The following FAF1 variants were observed in gnomAD, a reference collection of about 807,000 sequenced individuals.
FAF1 encodes Fas associated factor 1, also known as FAS-associated factor 1.
FAF1 carries 25 observed loss-of-function variants against 92.5 expected under a neutral mutation model. The ratio of observed to expected loss-of-function variants is 0.27; its 90% CI spans 0.20 to 0.38. The LOEUF (loss-of-function observed/expected upper bound fraction) is 0.38, where lower values mean the gene tolerates loss of function less well. Among genes scored for constraint, FAF1 ranks in the 10% least tolerant of loss-of-function variants. The probability of loss-of-function intolerance (pLI) is 1.00; values close to 1 mark genes in which losing one functional copy is unlikely to be tolerated. For missense variants in FAF1, 636 were observed against 793.3 expected (o/e 0.80, Z 2.38); for synonymous variants, 234 against 273.2 (o/e 0.86, Z 1.42).
rs1166483450 is a variant in FAF1 at position 50,438,661 on chromosome 1, G to C, written c.*2779C>G. On this transcript the variant is annotated 3_prime_UTR_variant, in exon 19 of 19. Transcript: ENST00000396153. Reference sequence around the variant, plus strand: ...ATTCAAATGAAAAAGTCTATACTTTGGGGGAAATTTGCCAGAGCTCTCCAC... The same window carrying C: ...ATTCAAATGAAAAAGTCTATACTTTCGGGGAAATTTGCCAGAGCTCTCCAC... The C allele has an allele frequency of 6.6e-6, 1 of 152,152 alleles. No individual in the cohort carries two copies. Among genetic ancestry groups the C allele is most frequent in the Non-Finnish European group, 1.5e-5 (1 of 68,018 alleles). 9.4% of individuals were successfully genotyped at this position (152,152 alleles called of 1,614,324 possible). A position where few individuals can be genotyped will look rare whatever the true frequency, so the allele number is the denominator to read the frequency against.
intron 8 of FAF1, among the ~76,000 whole-genome samples, chr1:50,609,108 G>A (rs1395238510): frequency 1.3e-5 from 2 of 152,194 alleles, no homozygotes; most frequent in South Asian, 4.1e-4. Flanking sequence ...AATGTGTCAA[G>A]ACCTCAGCTG....
intron 1 of FAF1, among the ~76,000 whole-genome samples, chr1:50,910,969 A>G (rs1443177368): frequency 2.2e-4 from 34 of 152,036 alleles, no homozygotes; most frequent in Admixed American, 2.2e-3. Flanking sequence ...TCACACTGGG[A>G]GCTACAGACT....
chr1:50,650,330 G>T (rs541190336), intron 8 of FAF1, among the ~76,000 whole-genome samples: 1 of 150,692 alleles, frequency 6.6e-6, no homozygotes, highest in Non-Finnish European at 1.5e-5. Flanking sequence ...AGAGTTGGCC[G>T]GGCACAGTGG....
At chr1:50,622,769 A>G (rs1181937514) in intron 8 of FAF1, among the ~76,000 whole-genome samples, 1 of 152,158 alleles carries the variant, frequency 6.6e-6, no homozygotes, top group Non-Finnish European at 1.5e-5. Context: ...CCTCTTTACT[A>G]AAGTGGGATA....
chr1:50,611,962 G>C (rs1273189661), intron 8 of FAF1, among the ~76,000 whole-genome samples: 1 of 152,144 alleles, frequency 6.6e-6, no homozygotes, highest in Non-Finnish European at 1.5e-5. Flanking sequence ...TAATGACGCT[G>C]AGCAGGAAAT....
chr1:50,865,293 A>T (rs1160850125), intron 1 of FAF1, among the ~76,000 whole-genome samples: 1 of 151,928 alleles, frequency 6.6e-6, no homozygotes, highest in African/African-American at 2.4e-5. Flanking sequence ...TTCCTCAGGG[A>T]TCTAGAACTA....
chr1:50,634,206 A>G (rs1309898976), intron 8 of FAF1, among the ~76,000 whole-genome samples: 1 of 152,146 alleles, frequency 6.6e-6, no homozygotes, highest in East Asian at 1.9e-4. Context: ...TTTACAGCCA[A>G]TTAAACACAG....
chr1:50,774,144 T>C (rs917404656), intron 4 of FAF1, among the ~76,000 whole-genome samples: 2 of 152,166 alleles, frequency 1.3e-5, no homozygotes, highest in Non-Finnish European at 2.9e-5. Context: ...GACTAAACAA[T>C]ACTACTAACA....
intron 18 of FAF1, among the ~76,000 whole-genome samples, chr1:50,452,561 C>T (rs917359617): frequency 1.3e-5 from 2 of 152,124 alleles, no homozygotes; most frequent in Non-Finnish European, 2.9e-5. Flanking sequence ...AAGGCCAATA[C>T]CACGGAAGCA....
chr1:50,747,871 C>G (rs1054321334), intron 4 of FAF1, among the ~76,000 whole-genome samples: 4 of 152,086 alleles, frequency 2.6e-5, no homozygotes, highest in African/African-American at 4.8e-5. Context: ...GTGCCACCTC[C>G]CCTCTCTCTC....
intron 1 of FAF1, among the ~76,000 whole-genome samples, chr1:50,931,409 G>A (rs542516491): frequency 6.6e-6 from 1 of 152,304 alleles, no homozygotes; most frequent in Non-Finnish European, 1.5e-5. Flanking sequence ...ACAAAAAGAG[G>A]TTTAATTGGA....
intron 12 of FAF1, among the ~76,000 whole-genome samples, chr1:50,569,333 A>G (rs948601551): frequency 1.3e-5 from 2 of 152,170 alleles, no homozygotes; most frequent in African/African-American, 4.8e-5. Flanking sequence ...TCTTCTTTGC[A>G]TCTTTAAACT....
chr1:50,583,533 G>C lies in FAF1; in HGVS notation c.1031+119C>G. 1 of 543,470 alleles carries C rather than the reference G, an allele frequency of 1.8e-6. No individual in the cohort carries two copies. Among genetic ancestry groups the C allele is most frequent in the Non-Finnish European group, 3.1e-6 (1 of 318,038 alleles). 33.7% of individuals were successfully genotyped at this position (543,470 alleles called of 1,614,324 possible). A position where few individuals can be genotyped will look rare whatever the true frequency, so the allele number is the denominator to read the frequency against. On this transcript the variant is annotated intron_variant, in intron 11 of 18. Coordinates refer to ENST00000396153, the MANE Select transcript of FAF1 (RefSeq NM_007051.3). The surrounding 1 kb of genome is among the most constrained non-coding windows in gnomAD (Gnocchi z 4.2). ...CTATTAGGACTATATAAATTAACAAGTATATCCTTTGAATACTTTAAGGAG... is the reference window on the plus strand; with the variant it reads ...CTATTAGGACTATATAAATTAACAACTATATCCTTTGAATACTTTAAGGAG...
chr1:50,940,535 T>C (rs1211503925), intron 1 of FAF1, among the ~76,000 whole-genome samples: 3 of 152,222 alleles, frequency 2.0e-5, no homozygotes, highest in East Asian at 1.9e-4. Context: ...GCTGGGATTA[T>C]AGGCATGAGC....
At chr1:50,889,969 A>C (rs2124699125) in intron 1 of FAF1, among the ~76,000 whole-genome samples, 1 of 152,296 alleles carries the variant, frequency 6.6e-6, no homozygotes, top group South Asian at 2.1e-4. Flanking sequence ...GTGGGGTGTT[A>C]AAGTCTCCTA....
At chr1:50,668,674 C>G (rs1324143082) in intron 7 of FAF1, among the ~76,000 whole-genome samples, 4 of 152,166 alleles carry the variant, frequency 2.6e-5, no homozygotes, top group Non-Finnish European at 5.9e-5. Context: ...AGGACTGATG[C>G]TGCCAATGCT....
intron 8 of FAF1, among the ~76,000 whole-genome samples, chr1:50,646,030 C>T (rs1569665304): frequency 6.6e-6 from 1 of 152,122 alleles, no homozygotes; most frequent in East Asian, 1.9e-4. Flanking sequence ...TAAAAAATGG[C>T]AACTTCATAT....
At chr1:50,724,276 T>TACACACACACACAC (rs1281878722) in intron 6 of FAF1, among the ~76,000 whole-genome samples, 2 of 114,894 alleles carry the variant, frequency 1.7e-5, no homozygotes, top group South Asian at 2.7e-4. Flanking sequence ...TATATACATA[T>TACACACACACACAC]ACACACACAC....
chr1:50,745,365 A>G (rs1194442029), intron 4 of FAF1, among the ~76,000 whole-genome samples: 2 of 152,150 alleles, frequency 1.3e-5, no homozygotes, highest in African/African-American at 4.8e-5. Flanking sequence ...GAGACAATTT[A>G]AACTGTATTA....
Sources: gnomAD v4.1 joint callset for allele counts (sites outside exome capture counted in the v4.1 genomes callset) on GRCh38, gnomAD v4.1.1 for gene constraint, Gnocchi (gnomAD v3.1) non-coding constraint, MANE v1.5 for transcripts, NCBI Gene and HGNC (gene_info 2026-07-23, HGNC 2026-07-21) for gene names.